The following STK32B variants were observed in gnomAD, a reference collection of about 807,000 sequenced individuals.
The protein encoded by STK32B is serine/threonine-protein kinase 32B.
In STK32B, 43 loss-of-function variants were observed where a neutral mutation model predicts 52.6. That is an observed-to-expected ratio of 0.82 (90% CI 0.64 to 1.05). The LOEUF (loss-of-function observed/expected upper bound fraction) is 1.05. STK32B is among the 50% of genes least tolerant of loss of function. The pLI is 0.00. For synonymous variants in STK32B, 238 were observed against 204.3 expected (o/e 1.17, Z -1.41); for missense variants, 621 against 534.6 (o/e 1.16, Z -1.59).
intron 4 of STK32B, among the ~76,000 whole-genome samples, chr4:5,397,010 A>C (rs1235704168): frequency 6.6e-6 from 1 of 152,192 alleles, no homozygotes; most frequent in East Asian, 1.9e-4. Context: ...CATGGGTTTG[A>C]AAAGTCACAA....
chr4:5,034,755 A>C, the STK32B span, among the ~76,000 whole-genome samples: 1 of 152,186 alleles, frequency 6.6e-6, no homozygotes, highest in African/African-American at 2.4e-5. Flanking sequence ...CCTTGAACAA[A>C]TCAATCAGGT....
At chr4:5,437,201 C>T (rs1182996408) in intron 6 of STK32B, among the ~76,000 whole-genome samples, 1 of 152,250 alleles carries the variant, frequency 6.6e-6, no homozygotes, top group Non-Finnish European at 1.5e-5. Context: ...TTGGCAAGTT[C>T]CTTACCCCTT....
chr4:5,282,974 A>G (rs919373965), intron 3 of STK32B, among the ~76,000 whole-genome samples: 13 of 152,178 alleles, frequency 8.5e-5, no homozygotes, highest in East Asian at 7.7e-4. Context: ...TATACAATAC[A>G]TTATGATTTA....
At chr4:5,217,035 G>C (rs1317665019) in intron 3 of STK32B, among the ~76,000 whole-genome samples, 1 of 152,200 alleles carries the variant, frequency 6.6e-6, no homozygotes, top group African/African-American at 2.4e-5. Flanking sequence ...GTGTGTGCCA[G>C]TGACACAGGA....
At chr4:5,287,541 A>G (rs1728632338) in intron 3 of STK32B, among the ~76,000 whole-genome samples, 1 of 152,282 alleles carries the variant, frequency 6.6e-6, no homozygotes, top group Non-Finnish European at 1.5e-5. Context: ...AAAGATGGAC[A>G]TGAGTGTACA....
chr4:5,412,825 C>T (rs970174696), intron 5 of STK32B, among the ~76,000 whole-genome samples: 2 of 152,130 alleles, frequency 1.3e-5, no homozygotes, highest in Admixed American at 6.5e-5. Context: ...TGGTCCTTGC[C>T]CCTGTAATCC....
chr4:5,342,945 A>G (rs1733184505), intron 4 of STK32B, among the ~76,000 whole-genome samples: 1 of 152,180 alleles, frequency 6.6e-6, no homozygotes, highest in African/African-American at 2.4e-5. Context: ...TTCTCTGACC[A>G]AATATTCTTT....
chr4:5,133,844 T>C (rs6831955), intron 1 of STK32B, among the ~76,000 whole-genome samples: 126,187 of 151,624 alleles, frequency 0.83, 52,868 homozygotes, highest in South Asian at 0.89. Flanking sequence ...ATGGCCGTCA[T>C]CCTGACTTGG....
In STK32B at chr4:5,317,483, CATATATATAATATATATTAT is replaced by C. The variant is rs1202634646; in HGVS notation, c.261-13732_261-13713del. 1.1e-4 allele frequency among the ~76,000 whole-genome samples: 6 copies of C among 52,726 alleles called. No individual in the cohort carries two copies. In the Admixed American group the frequency reaches 1.5e-3, roughly 13 times the overall value. 34.6% of individuals were successfully genotyped at this position (52,726 alleles called of 152,430 possible). A position where few individuals can be genotyped will look rare whatever the true frequency, so the allele number is the denominator to read the frequency against. On this transcript the variant is annotated intron_variant, in intron 3 of 11. Coordinates refer to ENST00000282908, the MANE Select transcript of STK32B (RefSeq NM_018401.3). ...ATATATATGTATAATATATATATTA[CATATATATAATATATATTAT>C]ATATGTATAATATATTTATTATATA...
chr4:5,359,998 T>A (rs1482602288), intron 4 of STK32B, among the ~76,000 whole-genome samples: 1 of 152,182 alleles, frequency 6.6e-6, no homozygotes, highest in Non-Finnish European at 1.5e-5. Context: ...TTTTAGAGGA[T>A]CATTCAGGCT....
chr4:5,087,983 C>G (rs1009377376), intron 1 of STK32B, among the ~76,000 whole-genome samples: 1 of 152,012 alleles, frequency 6.6e-6, no homozygotes. Context: ...CTAACAACAG[C>G]AAAATGCACA....
chr4:5,201,813 A>C (rs767755547), intron 3 of STK32B, among the ~76,000 whole-genome samples: 1 of 152,088 alleles, frequency 6.6e-6, no homozygotes, highest in Non-Finnish European at 1.5e-5. Context: ...GAATGGGGTA[A>C]ACTGGTCCCA....
chr4:5,277,571 A>G (rs1315178119), intron 3 of STK32B, among the ~76,000 whole-genome samples: 2 of 152,134 alleles, frequency 1.3e-5, no homozygotes, highest in Admixed American at 1.3e-4. Flanking sequence ...TGCGGATAAA[A>G]TCTCTTTTCA....
At chr4:5,151,744 C>A (rs929405603) in intron 2 of STK32B, among the ~76,000 whole-genome samples, 4 of 152,066 alleles carry the variant, frequency 2.6e-5, no homozygotes, top group Admixed American at 6.5e-5. Context: ...GTGGTGGATA[C>A]CTAGGAAAGC....
intron 3 of STK32B, among the ~76,000 whole-genome samples, chr4:5,202,838 A>G (rs1187691141): frequency 6.6e-6 from 1 of 152,212 alleles, no homozygotes; most frequent in Non-Finnish European, 1.5e-5. Flanking sequence ...GTAACTATTG[A>G]TGTGCATCTT....
chr4:5,200,253 C>CT (rs35848579), intron 3 of STK32B, among the ~76,000 whole-genome samples: 3,375 of 142,244 alleles, frequency 0.024, 62 homozygotes, highest in African/African-American at 0.054. Flanking sequence ...CTCTTCTGCT[C>CT]TTTTTTTTTT....
At position 5,357,090 on chromosome 4, in the gene STK32B, C is replaced by T. The variant is rs62297288; in HGVS notation, c.434+25697C>T. ...ACACATATACACACACACACGTATA[C>T]ACACACACACACACACACACATATA... On this transcript the variant is annotated intron_variant, in intron 4 of 11. Coordinates refer to ENST00000282908, the MANE Select transcript of STK32B (RefSeq NM_018401.3). Among the ~76,000 whole-genome samples the T allele has an allele frequency of 2.4e-4, 16 of 67,702 alleles. No individual in the cohort carries two copies. In the African/African-American group the frequency reaches 2.5e-3, roughly 11 times the overall value. The allele number at this position is 67,702 out of a possible 152,430, so 44.4% of individuals were successfully genotyped here. A position where few individuals can be genotyped will look rare whatever the true frequency, so the allele number is the denominator to read the frequency against.
intron 3 of STK32B, among the ~76,000 whole-genome samples, chr4:5,242,987 A>T (rs1725152658): frequency 6.6e-6 from 1 of 152,120 alleles, no homozygotes; most frequent in Admixed American, 6.5e-5. Context: ...GTAGCCTTGT[A>T]GTATGGTTTG....
At chr4:5,222,281 G>A (rs979029195) in intron 3 of STK32B, among the ~76,000 whole-genome samples, 1 of 152,186 alleles carries the variant, frequency 6.6e-6, no homozygotes, top group Non-Finnish European at 1.5e-5. Flanking sequence ...CTAAAAAAGT[G>A]GAAGTAGCTT....
Sources: allele counts gnomAD v4.1 joint callset (sites outside exome capture counted in the v4.1 genomes callset), GRCh38; gene constraint gnomAD v4.1.1; transcripts MANE v1.5; gene names NCBI Gene and HGNC (gene_info 2026-07-23, HGNC 2026-07-21).